PABPC4L: variants seen among roughly 807,000 people sequenced by gnomAD.
The protein encoded by PABPC4L is poly(A) binding protein cytoplasmic 4 like.
For missense variants in PABPC4L, 452 were observed against 451.4 expected, an observed-to-expected ratio of 1.00 and a Z score of -0.01; for synonymous variants, 169 against 164.1, an observed-to-expected ratio of 1.03 and a Z score of -0.23.
chr4:133,997,173 A>T, the PABPC4L span, among the ~76,000 whole-genome samples: 3 of 152,098 alleles, frequency 2.0e-5, no homozygotes, highest in African/African-American at 7.2e-5. Flanking sequence ...TCCTAAAACG[A>T]CCTCTAAGTG....
the PABPC4L span, among the ~76,000 whole-genome samples, chr4:134,151,302 C>A: frequency 6.6e-6 from 1 of 152,004 alleles, no homozygotes; most frequent in African/African-American, 2.4e-5. Context: ...ATAAAAAGAA[C>A]ACAAAATTAA....
chr4:134,061,291 A>G, the PABPC4L span, among the ~76,000 whole-genome samples: 193 of 152,154 alleles, frequency 1.3e-3, no homozygotes, highest in African/African-American at 4.5e-3. Context: ...CAGAAAAAAT[A>G]CATAATCAAA....
the PABPC4L span, among the ~76,000 whole-genome samples, chr4:133,962,390 A>G: frequency 2.0e-5 from 3 of 152,266 alleles, no homozygotes; most frequent in African/African-American, 7.2e-5. Context: ...AAACAATGCA[A>G]GAAGTGACGG....
the PABPC4L span, among the ~76,000 whole-genome samples, chr4:134,117,328 GAA>G: frequency 1.3e-5 from 2 of 151,696 alleles, no homozygotes; most frequent in Admixed American, 1.3e-4. Flanking sequence ...TTAGAGCTCT[GAA>G]TCTAAGTACC....
chr4:133,957,418 C>T, the PABPC4L span, among the ~76,000 whole-genome samples: 3 of 152,166 alleles, frequency 2.0e-5, no homozygotes, highest in Non-Finnish European at 2.9e-5. Context: ...AGCAGTCTAC[C>T]CCTGTGGCTT....
the PABPC4L span, among the ~76,000 whole-genome samples, chr4:134,166,320 T>C: frequency 1.5e-4 from 23 of 152,114 alleles, no homozygotes; most frequent in African/African-American, 5.3e-4. Flanking sequence ...AGATGATAGA[T>C]AAATAGATGT....
chr4:134,148,924 C>T, the PABPC4L span, among the ~76,000 whole-genome samples: 1 of 151,856 alleles, frequency 6.6e-6, no homozygotes, highest in African/African-American at 2.4e-5. Context: ...ATAACAAAGA[C>T]CTAGAAGAGG....
chr4:134,139,814 A>G, the PABPC4L span, among the ~76,000 whole-genome samples: 1 of 151,758 alleles, frequency 6.6e-6, no homozygotes, highest in Non-Finnish European at 1.5e-5. Context: ...AAAGTTTCAA[A>G]TAATTTTATC....
At chr4:134,021,047 C>T in the PABPC4L span, among the ~76,000 whole-genome samples, 1 of 152,044 alleles carries the variant, frequency 6.6e-6, no homozygotes, top group South Asian at 2.1e-4. Flanking sequence ...ATTATGGCAG[C>T]CCAAGGCTTG....
the PABPC4L span, among the ~76,000 whole-genome samples, chr4:133,987,106 A>G: frequency 5.3e-5 from 8 of 152,136 alleles, no homozygotes; most frequent in African/African-American, 1.9e-4. Context: ...TCATCTAACA[A>G]TTTCAAAGGT....
the PABPC4L span, among the ~76,000 whole-genome samples, chr4:133,986,222 C>T: frequency 6.6e-6 from 1 of 151,922 alleles, no homozygotes; most frequent in Admixed American, 6.6e-5. Flanking sequence ...AACTTATTGC[C>T]ATTTAATTTT....
chr4:133,972,513 T>C, the PABPC4L span, among the ~76,000 whole-genome samples: 3 of 152,170 alleles, frequency 2.0e-5, no homozygotes, highest in Admixed American at 1.3e-4. Flanking sequence ...GGGAGTTCCT[T>C]TGGGTCAAGA....
the PABPC4L span, among the ~76,000 whole-genome samples, chr4:134,168,075 C>A: frequency 2.3e-3 from 350 of 151,922 alleles, 2 homozygotes; most frequent in Middle Eastern, 6.8e-3. Context: ...AAATAATTAC[C>A]TTTTCTGACA....
the PABPC4L span, among the ~76,000 whole-genome samples, chr4:133,953,184 T>C: frequency 6.6e-6 from 1 of 152,194 alleles, no homozygotes; most frequent in Non-Finnish European, 1.5e-5. Context: ...TTTTCCAAAT[T>C]TGTAACATCC....
At chr4:134,056,791 C>T in the PABPC4L span, among the ~76,000 whole-genome samples, 2 of 151,852 alleles carry the variant, frequency 1.3e-5, no homozygotes, top group African/African-American at 2.4e-5. Context: ...TGGTAGATTC[C>T]TTGATGTTTC....
At chr4:134,082,262 T>A in the PABPC4L span, among the ~76,000 whole-genome samples, 2 of 152,180 alleles carry the variant, frequency 1.3e-5, no homozygotes, top group African/African-American at 2.4e-5. Flanking sequence ...AGCTTTGTTT[T>A]TATTTCTGTA....
the PABPC4L span, among the ~76,000 whole-genome samples, chr4:134,115,193 C>A: frequency 6.6e-6 from 1 of 151,800 alleles, no homozygotes; most frequent in Non-Finnish European, 1.5e-5. Flanking sequence ...CCTCAGAAAT[C>A]AAAATGTATT....
the PABPC4L span, among the ~76,000 whole-genome samples, chr4:133,995,147 G>T: frequency 3.3e-5 from 5 of 152,176 alleles, no homozygotes; most frequent in Non-Finnish European, 7.3e-5. Flanking sequence ...TACTTAGGGG[G>T]TTGCCGTTTT....
chr4:134,169,670 A>G, the PABPC4L span, among the ~76,000 whole-genome samples: 1 of 152,194 alleles, frequency 6.6e-6, no homozygotes, highest in East Asian at 1.9e-4. Flanking sequence ...AAAAGAAAAA[A>G]AAATTCCATT....
Sources: allele counts gnomAD v4.1 joint callset (sites outside exome capture counted in the v4.1 genomes callset), GRCh38; gene constraint gnomAD v4.1.1; transcripts MANE v1.5; gene names NCBI Gene and HGNC (gene_info 2026-07-23, HGNC 2026-07-21).